Variants in RTF2 observed in about 807,000 individuals in gnomAD.
RTF2 encodes the protein UPF0549 protein C20orf43.
RTF2 carries 18 observed loss-of-function variants against 38.0 expected under a neutral mutation model. The observed-to-expected ratio is 0.47, with a 90% CI of 0.33 to 0.70. RTF2 has a LOEUF of 0.70. Ranked by LOEUF, RTF2 falls within the 30% of genes least tolerant of loss-of-function variation. RTF2 has a pLI of 0.02. For missense variants in RTF2, 311 were observed against 379.6 expected (o/e 0.82, Z 1.50); for synonymous variants, 126 against 137.1 (o/e 0.92, Z 0.57).
intron 1 of RTF2, 82 bp from the exon 2 acceptor site, chr20:56,473,219 C>A: frequency 9.9e-7 from 1 of 1,009,656 alleles, no homozygotes; most frequent in South Asian, 1.3e-5. Flanking sequence ...TGCGGTATTA[C>A]TGAATATACT....
chr20:56,480,828 C>T (rs1407298936), intron 4 of RTF2, among the ~76,000 whole-genome samples: 1 of 150,754 alleles, frequency 6.6e-6, no homozygotes, highest in East Asian at 1.9e-4. Context: ...ATTGAGTTTA[C>T]CATCTTATAA....
intron 5 of RTF2, among the ~76,000 whole-genome samples, chr20:56,505,567 C>T (rs1443816346): frequency 6.6e-6 from 1 of 151,524 alleles, no homozygotes; most frequent in Non-Finnish European, 1.5e-5. Flanking sequence ...CTCACACTGG[C>T]CCATTCCTGG....
At chr20:56,515,940 C>CT (rs1231274373) in intron 6 of RTF2, 2 of 152,230 alleles carry the variant, frequency 1.3e-5, no homozygotes, top group Admixed American at 1.3e-4. Flanking sequence ...CATTTCCTCT[C>CT]TAACTCCTTC....
chr20:56,470,929 TA>T, intron 1 of RTF2: 1 of 235,986 alleles, frequency 4.2e-6, no homozygotes, highest in African/African-American at 2.2e-5. Context: ...GTATTTGTAA[TA>T]AATCAGCAAT....
Position 56,476,699 on chromosome 20 carries a change from A to G in RTF2, c.259-286A>G, listed in dbSNP as rs572371792. Among the ~76,000 whole-genome samples, 4 of 152,052 alleles carry G rather than the reference A, an allele frequency of 2.6e-5. No individual in the cohort carries two copies. The East Asian group carries it at 7.8e-4, about 29-fold the overall frequency. ...TTTTTAGTAGAGACGGGGTTTCTCCATGTTGGTCAGGCTGGTCTTGAACTC... is the reference window on the plus strand; with the variant it reads ...TTTTTAGTAGAGACGGGGTTTCTCCGTGTTGGTCAGGCTGGTCTTGAACTC... On this transcript the variant is annotated intron_variant, in intron 3 of 8. Coordinates refer to ENST00000357348, the MANE Select transcript of RTF2 (RefSeq NM_016407.5).
intron 5 of RTF2, among the ~76,000 whole-genome samples, chr20:56,490,873 A>T (rs562143985): frequency 2.0e-5 from 3 of 152,338 alleles, no homozygotes; most frequent in African/African-American, 7.2e-5. Context: ...AAAAATAAAG[A>T]TTCACTTTTG....
chr20:56,468,685 C>G lies in RTF2; in HGVS notation c.-13C>G. 1 of 1,569,872 alleles carries G rather than the reference C, an allele frequency of 6.4e-7. No individual in the cohort carries two copies. Among genetic ancestry groups the G allele is most frequent in the Non-Finnish European group, 8.6e-7 (1 of 1,157,610 alleles). On this transcript the variant is annotated 5_prime_UTR_variant, in exon 1 of 9. Coordinates refer to ENST00000357348, the MANE Select transcript of RTF2 (RefSeq NM_016407.5). The stretch of plus-strand genomic sequence containing the variant: ...TTTGGGGGTTTGCTGCTGGCTCTGA[C>G]TCCCGTCCTGCGATGGGTTGCGACG...
chr20:56,502,813 T>C (rs1568706381), intron 5 of RTF2, among the ~76,000 whole-genome samples: 1 of 152,186 alleles, frequency 6.6e-6, no homozygotes, highest in African/African-American at 2.4e-5. Context: ...TTTACCTTAT[T>C]AGGAACCTCA....
At chr20:56,468,904 A>G in intron 1 of RTF2, 138 bp downstream of exon 1, 1 of 665,918 alleles carries the variant, frequency 1.5e-6, no homozygotes, top group Non-Finnish European at 2.6e-6. Flanking sequence ...AGAGGACTCA[A>G]AATTAACAAC....
chr20:56,484,196 TC>T lies in RTF2; in HGVS notation c.477+9del. On this transcript the variant is annotated splice_region_variant and intron_variant, in intron 5 of 8. Transcript: ENST00000357348. The stretch of plus-strand genomic sequence containing the variant: ...AGCGGAAGTTTGCCACACGGTGAGT[TC>T]CTGACATGTACCATTTGTTCCTTCT... The T allele has an allele frequency of 6.2e-7, 1 of 1,606,070 alleles. No individual in the cohort carries two copies. The highest frequency in any genetic ancestry group is 8.5e-7 in the Non-Finnish European group (1 of 1,172,638).
At chr20:56,499,299 C>T (rs1372488415) in intron 5 of RTF2, among the ~76,000 whole-genome samples, 1 of 149,664 alleles carries the variant, frequency 6.7e-6, no homozygotes, top group Non-Finnish European at 1.5e-5. Context: ...CGGGTTCAAG[C>T]GATTCTCCTG....
intron 3 of RTF2, 29 bp downstream of exon 3, chr20:56,474,800 A>G: frequency 1.4e-6 from 2 of 1,426,520 alleles, no homozygotes; most frequent in Non-Finnish European, 2.0e-6. Flanking sequence ...AAGTGCTGTG[A>G]GGGTCTGAAC....
At chr20:56,471,355 T>A (rs1240301422) in intron 1 of RTF2, among the ~76,000 whole-genome samples, 1 of 151,994 alleles carries the variant, frequency 6.6e-6, no homozygotes, top group Admixed American at 6.6e-5. Flanking sequence ...GATCATGAGG[T>A]CAGGAGATCG....
In RTF2 at chr20:56,491,842, C is replaced by T. The variant is rs375451452; in HGVS notation, c.477+7653C>T. The stretch of plus-strand genomic sequence containing the variant: ...TGTTTCCTCACCCATTTTATTCACA[C>T]ACAGAAAGTGGCGCATGCTCCGTCC... On this transcript the variant is annotated intron_variant, in intron 5 of 8. Transcript: ENST00000357348. The T allele has an allele frequency of 2.7e-4, 356 of 1,319,380 alleles. No individual in the cohort carries two copies. The African/African-American group carries it at 4.2e-3, about 16-fold the overall frequency. 81.7% of individuals were successfully genotyped at this position (1,319,380 alleles called of 1,614,324 possible).
chr20:56,495,079 C>T (rs770921658), intron 5 of RTF2: 11 of 691,786 alleles, frequency 1.6e-5, no homozygotes, highest in Admixed American at 2.6e-5. Flanking sequence ...CTAATTGGAT[C>T]ATCACTAATT....
chr20:56,519,152 A>C lies in RTF2; in HGVS notation c.*887A>C, dbSNP rs887608228. On this transcript the variant is annotated 3_prime_UTR_variant, in exon 9 of 9. Coordinates refer to ENST00000357348, the MANE Select transcript of RTF2 (RefSeq NM_016407.5). ...CAGGCCTCTGCGTGGCTTTCTGCAC[A>C]CGGTGGTATGACTGAGATAGTGACT... 2 of 152,214 alleles carry C rather than the reference A, an allele frequency of 1.3e-5. No homozygotes were observed. The highest frequency in any genetic ancestry group is 1.3e-4 in the Admixed American group (2 of 15,274). The allele number at this position is 152,214 out of a possible 1,614,324, so 9.4% of individuals were successfully genotyped here. A position where few individuals can be genotyped will look rare whatever the true frequency, so the allele number is the denominator to read the frequency against.
Position 56,517,006 on chromosome 20 carries a change from GAT to G in RTF2, c.646+18_646+19del, listed in dbSNP as rs1230959856. The G allele has an allele frequency of 3.1e-6, 5 of 1,612,666 alleles. No individual in the cohort carries two copies. In the Admixed American group the frequency reaches 8.3e-5, roughly 27 times the overall value. Reference sequence around the variant, plus strand: ...TCAGTGAAGGTAAGATCCTTCAAGAGATCCTTATTTTAGCAAAATGCGACTCT... The same window carrying G: ...TCAGTGAAGGTAAGATCCTTCAAGAGCCTTATTTTAGCAAAATGCGACTCT... On this transcript the variant is annotated intron_variant, in intron 7 of 8. Coordinates refer to ENST00000357348, the MANE Select transcript of RTF2 (RefSeq NM_016407.5).
chr20:56,488,318 G>A (rs753229718), intron 5 of RTF2, among the ~76,000 whole-genome samples: 2 of 152,008 alleles, frequency 1.3e-5, no homozygotes, highest in South Asian at 2.1e-4. Flanking sequence ...CCAAGATCAC[G>A]CCACTGCACT....
In RTF2 at chr20:56,479,433, C is replaced by T. The variant is rs184703403; in HGVS notation, c.398+2309C>T. Among the ~76,000 whole-genome samples the T allele has an allele frequency of 1.8e-4, 28 of 152,154 alleles. No homozygotes were observed. The East Asian group carries it at 4.1e-3, about 22-fold the overall frequency. ...TAGAGACAGGGTTTACCATATTGGC[C>T]GGGCTGGTCTCAAACTCCTGACCTC... On this transcript the variant is annotated intron_variant, in intron 4 of 8. Transcript: ENST00000357348.
Sources: gnomAD v4.1 joint callset for allele counts (sites outside exome capture counted in the v4.1 genomes callset) on GRCh38, gnomAD v4.1.1 for gene constraint, MANE v1.5 for transcripts, NCBI Gene and HGNC (gene_info 2026-07-23, HGNC 2026-07-21) for gene names.